The following SLC25A42 variants were observed in gnomAD, a reference collection of about 807,000 sequenced individuals.
SLC25A42 encodes mitochondrial coenzyme A transporter SLC25A42.
SLC25A42 carries 19 observed loss-of-function variants against 34.7 expected under a neutral mutation model. That is an observed-to-expected ratio of 0.55 (90% CI 0.38 to 0.80). SLC25A42 has a LOEUF of 0.80. Among genes scored for constraint, SLC25A42 ranks in the 30% least tolerant of loss-of-function variants. SLC25A42 has a pLI of 0.00. For synonymous variants in SLC25A42, 205 were observed against 191.2 expected (o/e 1.07, Z -0.59); for missense variants, 364 against 441.3 (o/e 0.82, Z 1.57).
chr19:19,106,440 G>C (rs1174163959), intron 6 of SLC25A42, 55 bp downstream of exon 6: 2 of 1,453,440 alleles, frequency 1.4e-6, no homozygotes, highest in Admixed American at 4.0e-5. Context: ...TGTCTCGGGG[G>C]CTCCCAGGTC....
At chr19:19,093,135 C>A (rs2059746968) in intron 1 of SLC25A42, among the ~76,000 whole-genome samples, 1 of 152,148 alleles carries the variant, frequency 6.6e-6, no homozygotes, top group African/African-American at 2.4e-5. Flanking sequence ...ACCTTCTCAC[C>A]TCAGCCTCTC....
intron 1 of SLC25A42, among the ~76,000 whole-genome samples, chr19:19,077,549 A>G (rs896650842): frequency 2.0e-5 from 3 of 152,194 alleles, no homozygotes; most frequent in Admixed American, 6.5e-5. Flanking sequence ...TTGGATGTGT[A>G]TAAAACATTT....
chr19:19,110,863 A>G lies in SLC25A42; in HGVS notation c.944A>G (p.His315Arg), dbSNP rs1415349573. The G allele has an allele frequency of 1.2e-6, 2 of 1,613,670 alleles. No homozygotes were observed. Among genetic ancestry groups the G allele is most frequent in the Non-Finnish European group, 1.7e-6 (2 of 1,180,004 alleles). Residue 315 changes from histidine (H) to arginine (R), a missense_variant, in exon 8 of 8, where the codon CAC becomes CGC. Coordinates refer to ENST00000318596, the MANE Select transcript of SLC25A42 (RefSeq NM_178526.5). ...TFDLMQILLR[H>R]LQS ...GACCTCATGCAGATCCTGCTGCGGC[A>G]CCTGCAGAGCTAGGGGACCCTGAGC...
At chr19:19,080,923 T>A (rs28398369) in intron 1 of SLC25A42, among the ~76,000 whole-genome samples, 137,115 of 139,574 alleles carry the variant, frequency 0.98, 67,347 homozygotes, top group East Asian at 1. Flanking sequence ...CTATAAAATT[T>A]AAAAAAAAAA....
rs776348082 is a variant in SLC25A42 at position 19,111,941 on chromosome 19, G to C, written c.*1065G>C. The stretch of plus-strand genomic sequence containing the variant: ...GAGCCTCATGATAGAGTATAGCTTG[G>C]GGGTGGGAGGTGAGGAAAATCTGAG... On this transcript the variant is annotated 3_prime_UTR_variant, in exon 8 of 8. Transcript: ENST00000318596. 6.6e-6 allele frequency: 1 copy of C among 152,198 alleles called. No homozygotes were observed. Among genetic ancestry groups the C allele is most frequent in the Non-Finnish European group, 1.5e-5 (1 of 68,052 alleles). The allele number at this position is 152,198 out of a possible 1,614,324, so 9.4% of individuals were successfully genotyped here.
At chr19:19,071,914 G>T (rs1026625289) in intron 1 of SLC25A42, among the ~76,000 whole-genome samples, 12 of 152,094 alleles carry the variant, frequency 7.9e-5, no homozygotes, top group African/African-American at 1.7e-4. Flanking sequence ...GTTCTTTGAT[G>T]AGCAGCGGGA....
intron 1 of SLC25A42, among the ~76,000 whole-genome samples, chr19:19,073,657 C>A (rs1017205579): frequency 6.6e-6 from 1 of 152,058 alleles, no homozygotes; most frequent in Non-Finnish European, 1.5e-5. Context: ...TCACTGCAAC[C>A]TCCGTCTCCT....
intron 1 of SLC25A42, among the ~76,000 whole-genome samples, chr19:19,077,245 G>A (rs2059659834): frequency 6.6e-6 from 1 of 152,226 alleles, no homozygotes; most frequent in East Asian, 1.9e-4. Flanking sequence ...CCATTTTTAA[G>A]TGTTCAGTTC....
At chr19:19,069,734 A>G (rs1336864451) in intron 1 of SLC25A42, among the ~76,000 whole-genome samples, 1 of 152,098 alleles carries the variant, frequency 6.6e-6, no homozygotes, top group Non-Finnish European at 1.5e-5. Context: ...AGTTCACTGC[A>G]ACCTCTAACT....
At position 19,112,727 on chromosome 19, in the gene SLC25A42, G is replaced by C. The variant is rs2059872817; in HGVS notation, c.*1851G>C. 6.5e-6 allele frequency: 1 copy of C among 152,762 alleles called. No individual in the cohort carries two copies. Among genetic ancestry groups the C allele is most frequent in the Non-Finnish European group, 1.5e-5 (1 of 68,160 alleles). 9.5% of individuals were successfully genotyped at this position (152,762 alleles called of 1,614,324 possible). A position where few individuals can be genotyped will look rare whatever the true frequency, so the allele number is the denominator to read the frequency against. On this transcript the variant is annotated 3_prime_UTR_variant, in exon 8 of 8. Transcript: ENST00000318596. The surrounding 1 kb of genome is among the most constrained non-coding windows in gnomAD (Gnocchi z 4.3). ...GTGCTGTCCCCCACCCCTGCACACA[G>C]CCAGGCCCTCAGGCTCTGCGGTCAC... is the stretch of plus-strand genomic sequence containing the variant.
chr19:19,076,848 A>G (rs2059658072), intron 1 of SLC25A42, among the ~76,000 whole-genome samples: 2 of 151,900 alleles, frequency 1.3e-5, no homozygotes, highest in African/African-American at 4.8e-5. Context: ...CCAGTATTCT[A>G]ATCTTTATCA....
chr19:19,107,992 C>T lies in SLC25A42; in HGVS notation c.596C>T (p.Pro199Leu), dbSNP rs372199103. Residue 199 changes from proline to leucine, a missense_variant, in exon 7 of 8, where the codon CCC becomes CTC. Pro to Leu is a moderately conservative substitution (Grantham distance 98, BLOSUM62 -3). Transcript: ENST00000318596. The part of the protein sequence containing the change: ...GFMPTVLGVI[P>L]YAGLSFFTYE... Reference sequence around the variant, plus strand: ...ATGCCCACCGTGCTGGGGGTCATTCCCTACGCTGGCCTGAGCTTCTTCACC... The same window carrying T: ...ATGCCCACCGTGCTGGGGGTCATTCTCTACGCTGGCCTGAGCTTCTTCACC... The T allele has an allele frequency of 1.9e-5, 31 of 1,611,004 alleles. No homozygotes were observed. The highest frequency in any genetic ancestry group is 2.5e-5 in the Non-Finnish European group (30 of 1,178,324).
intron 5 of SLC25A42, chr19:19,105,989 C>T (rs1445123773): frequency 1.8e-6 from 1 of 555,558 alleles, no homozygotes; most frequent in Non-Finnish European, 3.2e-6. Context: ...CGCATAAATC[C>T]CAGAGGGGCA....
intron 1 of SLC25A42, among the ~76,000 whole-genome samples, chr19:19,089,318 G>A (rs1483003129): frequency 1.3e-5 from 2 of 151,898 alleles, no homozygotes; most frequent in Non-Finnish European, 1.5e-5. Context: ...ATGAGGTCAG[G>A]AGTTCAAGAC....
intron 1 of SLC25A42, among the ~76,000 whole-genome samples, chr19:19,087,876 T>C (rs114099755): frequency 4.6e-5 from 7 of 152,326 alleles, no homozygotes; most frequent in African/African-American, 1.7e-4. Flanking sequence ...CACAGGAGGC[T>C]GTTGGCCTGG....
intron 1 of SLC25A42, among the ~76,000 whole-genome samples, chr19:19,064,760 G>T (rs2059592391): frequency 6.7e-6 from 1 of 150,274 alleles, no homozygotes; most frequent in Non-Finnish European, 1.5e-5. Context: ...ACGTGCACCT[G>T]TGTTCGCACA....
At chr19:19,067,096 C>G (rs894575738) in intron 1 of SLC25A42, among the ~76,000 whole-genome samples, 1 of 151,718 alleles carries the variant, frequency 6.6e-6, no homozygotes, top group Non-Finnish European at 1.5e-5. Context: ...GTTGGAAAGC[C>G]TGATTCCTCT....
chr19:19,093,118 T>C (rs747548892), intron 1 of SLC25A42, among the ~76,000 whole-genome samples: 6 of 152,164 alleles, frequency 3.9e-5, no homozygotes, highest in Non-Finnish European at 7.3e-5. Flanking sequence ...CCTCTTTGGC[T>C]CAGGTGACCT....
chr19:19,089,700 T>C (rs571210650), intron 1 of SLC25A42, among the ~76,000 whole-genome samples: 11 of 151,898 alleles, frequency 7.2e-5, no homozygotes, highest in African/African-American at 2.7e-4. Context: ...AAACCCCGTC[T>C]CTACAGAAAA....
Sources: allele counts gnomAD v4.1 joint callset (sites outside exome capture counted in the v4.1 genomes callset), GRCh38; gene constraint gnomAD v4.1.1; non-coding constraint Gnocchi (gnomAD v3.1); transcripts MANE v1.5; gene names NCBI Gene and HGNC (gene_info 2026-07-23, HGNC 2026-07-21).